Variants in CDKN2B-AS1 observed in about 807,000 individuals in gnomAD.
CDKN2B-AS1 encodes CDKN2B antisense RNA 1 (non-protein coding).
intron 1 of CDKN2B-AS1, among the ~76,000 whole-genome samples, chr9:22,028,558 A>C (rs1001796652): frequency 6.6e-6 from 1 of 152,132 alleles, no homozygotes; most frequent in Non-Finnish European, 1.5e-5. Flanking sequence ...CCTAGTCTCA[A>C]ATTTGTACTT....
At chr9:22,002,868 G>A (rs1485671023) in intron 1 of CDKN2B-AS1, 1 of 178,100 alleles carries the variant, frequency 5.6e-6, no homozygotes, top group Non-Finnish European at 1.2e-5. Context: ...ATCCACTTAG[G>A]TGAAAAATAA....
chr9:22,043,257 C>G (rs1005432691), intron 1 of CDKN2B-AS1, among the ~76,000 whole-genome samples: 1 of 151,866 alleles, frequency 6.6e-6, no homozygotes, highest in African/African-American at 2.4e-5. Flanking sequence ...GTTTTTTTCT[C>G]CATGGATTTT....
In CDKN2B-AS1 at chr9:22,111,206, A is replaced by G. The variant is rs566526479; in HGVS notation, n.439-15897A>G. Among the ~76,000 whole-genome samples the G allele has an allele frequency of 2.6e-5, 4 of 152,196 alleles. No homozygotes were observed. The East Asian group carries it at 7.7e-4, about 29-fold the overall frequency. On this transcript the variant is annotated intron_variant and non_coding_transcript_variant, in intron 4 of 4. Coordinates refer to ENST00000650946, the Ensembl canonical transcript of CDKN2B-AS1. Reference sequence around the variant, plus strand: ...TATCTGTCTGTCTGTTCATCTTAAGATGCACTACAAAACTGAGGCCTAGAG... The same window carrying G: ...TATCTGTCTGTCTGTTCATCTTAAGGTGCACTACAAAACTGAGGCCTAGAG...
Position 22,005,187 on chromosome 9 carries a change from T to A in CDKN2B-AS1, n.29+10026T>A, listed in dbSNP as rs916368963. On this transcript the variant is annotated intron_variant and non_coding_transcript_variant, in intron 1 of 4. Coordinates refer to ENST00000650946, the Ensembl canonical transcript of CDKN2B-AS1. The surrounding 1 kb of genome is among the most constrained non-coding windows in gnomAD (Gnocchi z 4.9). ...ACCGTTACAATTGCTCTCACTCCAC[T>A]CCACCACCTCATCCTGTGTAGTCTG... 4.3e-6 allele frequency: 1 copy of A among 232,634 alleles called. No individual in the cohort carries two copies. Among genetic ancestry groups the A allele is most frequent in the Admixed American group, 5.6e-5 (1 of 17,738 alleles). The allele number at this position is 232,634 out of a possible 1,614,324, so 14.4% of individuals were successfully genotyped here.
At chr9:22,082,994 G>T (rs1162848449) in intron 4 of CDKN2B-AS1, among the ~76,000 whole-genome samples, 1 of 152,192 alleles carries the variant, frequency 6.6e-6, no homozygotes, top group Non-Finnish European at 1.5e-5. Flanking sequence ...TCACAGAAAA[G>T]AAGGCTGGTA....
chr9:22,098,077 T>C (rs1210934521), intron 4 of CDKN2B-AS1, among the ~76,000 whole-genome samples: 3 of 152,132 alleles, frequency 2.0e-5, no homozygotes, highest in Non-Finnish European at 4.4e-5. Flanking sequence ...ATAAAGTCCA[T>C]TTAGATATTT....
intron 4 of CDKN2B-AS1, among the ~76,000 whole-genome samples, chr9:22,060,021 G>A (rs1243701867): frequency 2.0e-5 from 3 of 152,162 alleles, no homozygotes; most frequent in East Asian, 1.9e-4. Flanking sequence ...TTCCTCTTGG[G>A]CCTCTGGGCC....
intron 2 of CDKN2B-AS1, among the ~76,000 whole-genome samples, chr9:22,048,198 G>A (rs1014822934): frequency 6.6e-6 from 1 of 152,164 alleles, no homozygotes; most frequent in Non-Finnish European, 1.5e-5. Context: ...TCCTGTAAAT[G>A]TCTTTCCGTC....
In CDKN2B-AS1 at chr9:22,045,038, T is replaced by G. The variant is rs28621545; in HGVS notation, n.30-1713T>G. Among the ~76,000 whole-genome samples the G allele has an allele frequency of 1.0e-3, 149 of 141,952 alleles. 1 individual carries two copies. The highest frequency in any genetic ancestry group is 3.5e-3 in the African/African-American group (129 of 36,574). 93.1% of individuals were successfully genotyped at this position (141,952 alleles called of 152,430 possible). Reference sequence around the variant, plus strand: ...TTTCTTTTGGAAAAATATTATTTATTTGTGTGTGTGTGTGTGTGTGTGTGT... The same window carrying G: ...TTTCTTTTGGAAAAATATTATTTATGTGTGTGTGTGTGTGTGTGTGTGTGT... On this transcript the variant is annotated intron_variant and non_coding_transcript_variant, in intron 1 of 4. Transcript: ENST00000650946.
At position 22,120,397 on chromosome 9, in the gene CDKN2B-AS1, G is replaced by A. The variant is rs181195573; in HGVS notation, n.439-6706G>A. ...GAGATACTAATGTGTGTTTCCTTGT[G>A]AGCTACTGCATAAGTAAGTGCTTTG... is the stretch of plus-strand genomic sequence containing the variant. On this transcript the variant is annotated intron_variant and non_coding_transcript_variant, in intron 4 of 4. Transcript: ENST00000650946. 22 of 152,318 alleles carry A rather than the reference G, an allele frequency of 1.4e-4. No homozygotes were observed. The East Asian group carries it at 4.2e-3, about 29-fold the overall frequency. The allele number at this position is 152,318 out of a possible 1,614,324, so 9.4% of individuals were successfully genotyped here. A position where few individuals can be genotyped will look rare whatever the true frequency, so the allele number is the denominator to read the frequency against.
intron 1 of CDKN2B-AS1, among the ~76,000 whole-genome samples, chr9:22,019,756 T>A (rs1293447359): frequency 6.6e-6 from 1 of 152,104 alleles, no homozygotes; most frequent in East Asian, 1.9e-4. Flanking sequence ...GACATTTGAG[T>A]ATAGAAAATT....
At chr9:22,024,249 C>G (rs536591555) in intron 1 of CDKN2B-AS1, among the ~76,000 whole-genome samples, 2 of 152,314 alleles carry the variant, frequency 1.3e-5, no homozygotes, top group African/African-American at 4.8e-5. Flanking sequence ...TGTTCTAACT[C>G]TGGATGACTT....
chr9:22,057,674 G>C (rs1029221492), intron 4 of CDKN2B-AS1, among the ~76,000 whole-genome samples: 1 of 152,246 alleles, frequency 6.6e-6, no homozygotes, highest in East Asian at 1.9e-4. Flanking sequence ...CAGGTGTGGT[G>C]GTGGGCACCT....
intron 4 of CDKN2B-AS1, among the ~76,000 whole-genome samples, chr9:22,084,658 T>C (rs1824807809): frequency 6.6e-6 from 1 of 152,170 alleles, no homozygotes; most frequent in Non-Finnish European, 1.5e-5. Flanking sequence ...AACTTTGGGT[T>C]GAAACTAAAA....
intron 1 of CDKN2B-AS1, among the ~76,000 whole-genome samples, chr9:22,034,736 G>A (rs181154520): frequency 3.3e-5 from 5 of 152,174 alleles, no homozygotes; most frequent in African/African-American, 7.2e-5. Flanking sequence ...GAGGGCCATC[G>A]AGTTTCTGTC....
chr9:22,086,073 A>C (rs971810499), intron 4 of CDKN2B-AS1, among the ~76,000 whole-genome samples: 3 of 152,134 alleles, frequency 2.0e-5, no homozygotes, highest in African/African-American at 7.2e-5. Context: ...CTAGATTTAT[A>C]AACTTTATCA....
At chr9:22,100,741 GGC>G (rs1337466561) in intron 4 of CDKN2B-AS1, among the ~76,000 whole-genome samples, 1 of 152,148 alleles carries the variant, frequency 6.6e-6, no homozygotes, top group East Asian at 1.9e-4. Context: ...TTTCCAAAGT[GGC>G]TGTAACAGTT....
At chr9:22,025,887 T>C (rs1486937818) in intron 1 of CDKN2B-AS1, among the ~76,000 whole-genome samples, 1 of 152,174 alleles carries the variant, frequency 6.6e-6, no homozygotes, top group East Asian at 1.9e-4. Context: ...CTTTAGCCCC[T>C]GATTGCCTCA....
At position 22,005,699 on chromosome 9, in the gene CDKN2B-AS1, C is replaced by G. The variant is rs1466728551; in HGVS notation, n.29+10538C>G. 1.8e-6 allele frequency: 1 copy of G among 543,784 alleles called. No individual in the cohort carries two copies. Among genetic ancestry groups the G allele is most frequent in the Non-Finnish European group, 3.3e-6 (1 of 301,324 alleles). The allele number at this position is 543,784 out of a possible 1,614,324, so 33.7% of individuals were successfully genotyped here. A position where few individuals can be genotyped will look rare whatever the true frequency, so the allele number is the denominator to read the frequency against. ...TCATATGCACTTTCCCTCAGAAAAC[C>G]CTGAAAAGCAAACGACCCCTGGAAT... On this transcript the variant is annotated intron_variant and non_coding_transcript_variant, in intron 1 of 4. Transcript: ENST00000650946. This position sits in a 1 kb window ranked among gnomAD's most constrained non-coding sequence, Gnocchi z 4.9.
Sources: allele counts gnomAD v4.1 joint callset (sites outside exome capture counted in the v4.1 genomes callset), GRCh38; gene constraint gnomAD v4.1.1; non-coding constraint Gnocchi (gnomAD v3.1); transcripts MANE v1.5; gene names NCBI Gene and HGNC (gene_info 2026-07-23, HGNC 2026-07-21).